The following IRAG2 variants were observed in gnomAD, a reference collection of about 807,000 sequenced individuals.
IRAG2 encodes lymphoid restricted membrane protein.
In IRAG2, 45 loss-of-function variants were observed where a neutral mutation model predicts 69.9. The ratio of observed to expected loss-of-function variants is 0.64; its 90% CI spans 0.51 to 0.83. The LOEUF (loss-of-function observed/expected upper bound fraction) is 0.83, where lower values mean the gene tolerates loss of function less well. Among genes scored for constraint, IRAG2 ranks in the 40% least tolerant of loss-of-function variants. IRAG2 has a pLI of 0.00. For missense variants in IRAG2, 520 were observed against 587.0 expected, an observed-to-expected ratio of 0.89 and a Z score of 1.18; for synonymous variants, 193 against 202.4, an observed-to-expected ratio of 0.95 and a Z score of 0.40.
At chr12:25,006,782 G>A (rs1353049305) in intron 2 of IRAG2, among the ~76,000 whole-genome samples, 1 of 152,082 alleles carries the variant, frequency 6.6e-6, no homozygotes, top group Non-Finnish European at 1.5e-5. Context: ...CGTGGGTGAT[G>A]GGATCATTTG....
intron 10 of IRAG2, among the ~76,000 whole-genome samples, chr12:25,085,100 A>C (rs2140138405): frequency 6.6e-6 from 1 of 152,350 alleles, no homozygotes; most frequent in African/African-American, 2.4e-5. Flanking sequence ...TGTGTTACAA[A>C]GCTCTTTCAG....
In IRAG2 at chr12:25,033,797, C is replaced by T. The variant is rs942608283; in HGVS notation, c.1644-51C>T. On this transcript the variant is annotated intron_variant, in intron 12 of 38. Transcript: ENST00000636465. ...GACCCTATATTCTGTTGACTTCAAACGTAATGTTGGAGGCACACCTAACTA... is the reference window on the plus strand; with the variant it reads ...GACCCTATATTCTGTTGACTTCAAATGTAATGTTGGAGGCACACCTAACTA... The T allele has an allele frequency of 7.5e-4, 297 of 398,310 alleles. 1 individual carries two copies. Among genetic ancestry groups the T allele is most frequent in the Non-Finnish European group, 1.7e-4 (39 of 225,720 alleles). The allele number at this position is 398,310 out of a possible 1,614,324, so 24.7% of individuals were successfully genotyped here.
chr12:25,051,212 G>A (rs1944865124), upstream of IRAG2, among the ~76,000 whole-genome samples: 1 of 152,212 alleles, frequency 6.6e-6, no homozygotes, highest in Non-Finnish European at 1.5e-5. Context: ...AGTGGAAAGT[G>A]TGGTGATGTA....
At chr12:25,036,199 C>A (rs1289266865) in intron 14 of IRAG2, among the ~76,000 whole-genome samples, 1 of 152,132 alleles carries the variant, frequency 6.6e-6, no homozygotes, top group Non-Finnish European at 1.5e-5. Flanking sequence ...ACTGGTATTG[C>A]CAGTCCCTTT....
At chr12:25,099,258 CTG>C (rs1307619950) in intron 15 of IRAG2, among the ~76,000 whole-genome samples, 1 of 152,176 alleles carries the variant, frequency 6.6e-6, no homozygotes, top group African/African-American at 2.4e-5. Context: ...TCAAAACTGA[CTG>C]TTCATGGTCC....
upstream of IRAG2, among the ~76,000 whole-genome samples, chr12:25,003,627 G>A (rs538172105): frequency 6.6e-6 from 1 of 151,998 alleles, no homozygotes; most frequent in South Asian, 2.1e-4. Flanking sequence ...ATCTTGCTAC[G>A]CAATAAAACT....
chr12:25,086,013 A>G (rs1049159708), intron 10 of IRAG2, among the ~76,000 whole-genome samples: 1 of 152,204 alleles, frequency 6.6e-6, no homozygotes, highest in Admixed American at 6.5e-5. Flanking sequence ...TAAAAAATGA[A>G]CAGAAGAAAA....
chr12:25,040,479 C>A lies in IRAG2; in HGVS notation c.2144+2342C>A, dbSNP rs138782697. Reference sequence around the variant, plus strand: ...AATTGTGCCAGTGCACTCTAGCAGCCTGTGAGACAGAGCAAGACACTGCCT... The same window carrying A: ...AATTGTGCCAGTGCACTCTAGCAGCATGTGAGACAGAGCAAGACACTGCCT... On this transcript the variant is annotated intron_variant, in intron 16 of 38. Coordinates refer to the IRAG2 transcript ENST00000636465. 2.8e-3 allele frequency among the ~76,000 whole-genome samples: 421 copies of A among 151,406 alleles called. 2 individuals are homozygous for A. Among genetic ancestry groups the A allele is most frequent in the Middle Eastern group, 0.01 (3 of 294 alleles).
At chr12:25,013,871 T>C (rs1298299118) in intron 3 of IRAG2, among the ~76,000 whole-genome samples, 3 of 108,980 alleles carry the variant, frequency 2.8e-5, no homozygotes, top group Admixed American at 8.9e-5. Context: ...TTTTTCTTTT[T>C]TTTTTTTTTT....
intron 6 of IRAG2, among the ~76,000 whole-genome samples, chr12:25,073,064 T>G (rs1365055644): frequency 6.6e-6 from 1 of 152,182 alleles, no homozygotes; most frequent in Non-Finnish European, 1.5e-5. Context: ...GGTTTTTCTG[T>G]GGGTTGGCCT....
At chr12:25,091,012 T>C in intron 14 of IRAG2, 1 of 216,524 alleles carries the variant, frequency 4.6e-6, no homozygotes, top group South Asian at 5.5e-5. Flanking sequence ...TAACAACTAC[T>C]ATTATCCTTC....
chr12:25,078,097 T>C (rs1056208202), intron 6 of IRAG2, among the ~76,000 whole-genome samples: 1 of 152,228 alleles, frequency 6.6e-6, no homozygotes, highest in Non-Finnish European at 1.5e-5. Context: ...CTGACTGGTC[T>C]TGGGAAATTA....
At chr12:25,069,562 T>C in intron 6 of IRAG2, 131 bp downstream of exon 6, 2 of 776,478 alleles carry the variant, frequency 2.6e-6, no homozygotes, top group Admixed American at 3.0e-5. Context: ...AGTCTGAGTC[T>C]GCTATTCCAA....
intron 16 of IRAG2, among the ~76,000 whole-genome samples, chr12:25,044,924 A>G (rs965771040): frequency 2.0e-5 from 3 of 152,282 alleles, no homozygotes; most frequent in African/African-American, 7.2e-5. Flanking sequence ...GACCTAACAC[A>G]GAACATTCTG....
chr12:25,020,868 A>C, exon 7 of IRAG2: 1 of 1,232,024 alleles, frequency 8.1e-7, no homozygotes, highest in Non-Finnish European at 1.0e-6. Flanking sequence ...ATGCTTCAGA[A>C]GAGCAGAAGA....
At chr12:24,998,329 C>A in the IRAG2 span, among the ~76,000 whole-genome samples, 1 of 152,120 alleles carries the variant, frequency 6.6e-6, no homozygotes, top group Admixed American at 6.5e-5. Context: ...AGAAAGGTTG[C>A]GGATGACAGA....
intron 16 of IRAG2, 84 bp from the exon 17 acceptor site, chr12:25,102,113 CT>C: frequency 6.9e-6 from 7 of 1,011,000 alleles, no homozygotes; most frequent in Non-Finnish European, 9.3e-6. Context: ...CTGAATTTTG[CT>C]TTACCTTTAA....
At chr12:25,007,268 G>C (rs184531887) in intron 2 of IRAG2, among the ~76,000 whole-genome samples, 1 of 152,182 alleles carries the variant, frequency 6.6e-6, no homozygotes, top group East Asian at 1.9e-4. Context: ...AAAGATAATT[G>C]ACTAATTTAA....
chr12:25,096,972 G>A lies in IRAG2; in HGVS notation c.669G>A (p.Lys223=), dbSNP rs376961083. The change falls in exon 15 of 22, where the codon AAG becomes AAA. Residue 223 remains lysine, a synonymous_variant. Coordinates refer to ENST00000556887, the MANE Select transcript of IRAG2 (RefSeq NM_001366544.2). ...AGGAAATCATTAAGAAGCTGGAGAA[G>A]AGTATAAAGTTTCTTAGCCAGTGTG... ...QAQEIIKKLE[K]SIKFLSQCAA... The A allele has an allele frequency of 2.5e-6, 4 of 1,613,792 alleles. No homozygotes were observed. The highest frequency in any genetic ancestry group is 2.2e-5 in the East Asian group (1 of 44,846).
Sources: allele counts gnomAD v4.1 joint callset (sites outside exome capture counted in the v4.1 genomes callset), GRCh38; gene constraint gnomAD v4.1.1; transcripts MANE v1.5; gene names NCBI Gene and HGNC (gene_info 2026-07-23, HGNC 2026-07-21).